Variants in EFR3B observed in about 807,000 individuals in gnomAD.
EFR3B encodes protein EFR3 homolog B.
Under a neutral mutation model 104.7 loss-of-function variants are expected in EFR3B, and 64 were observed. That is an observed-to-expected ratio of 0.61 (90% CI 0.50 to 0.75). The LOEUF is 0.75. EFR3B is among the 30% of genes least tolerant of loss of function. The pLI is 0.00. For synonymous variants in EFR3B, 385 were observed against 417.9 expected (o/e 0.92, Z 0.96); for missense variants, 750 against 1,078.5 (o/e 0.70, Z 4.27).
chr2:25,139,655 G>A (rs1670610028), intron 16 of EFR3B, among the ~76,000 whole-genome samples: 1 of 152,128 alleles, frequency 6.6e-6, no homozygotes, highest in Non-Finnish European at 1.5e-5. Flanking sequence ...ATGAACATCT[G>A]TTCACGCCCA....
At chr2:25,125,652 T>TA (rs1181056201) in intron 5 of EFR3B, among the ~76,000 whole-genome samples, 1 of 152,140 alleles carries the variant, frequency 6.6e-6, no homozygotes, top group Non-Finnish European at 1.5e-5. Flanking sequence ...CAACCCCAGT[T>TA]AAAACCAAAG....
chr2:25,103,793 G>A lies in EFR3B; in HGVS notation c.363+6G>A. The A allele has an allele frequency of 6.4e-7, 1 of 1,551,266 alleles. No homozygotes were observed. The highest frequency in any genetic ancestry group is 1.2e-5 in the South Asian group (1 of 84,030). On this transcript the variant is annotated splice_donor_region_variant and intron_variant, in intron 4 of 22. Transcript: ENST00000403714. ...AGATCCTCGGCACCAACTCGGTAAG[G>A]AGCGGCCCAGGGGGCTCCAGGTCTC... is the stretch of plus-strand genomic sequence containing the variant.
intron 1 of EFR3B, among the ~76,000 whole-genome samples, chr2:25,066,185 T>C (rs1262722234): frequency 6.6e-6 from 1 of 152,192 alleles, no homozygotes; most frequent in African/African-American, 2.4e-5. Context: ...TGGACACTTA[T>C]AGTTCAGGGC....
At chr2:25,125,884 G>C (rs576047566) in intron 5 of EFR3B, among the ~76,000 whole-genome samples, 21 of 152,280 alleles carry the variant, frequency 1.4e-4, no homozygotes, top group African/African-American at 4.3e-4. Context: ...GGAGGCGGAG[G>C]TTGCTGTGAG....
At chr2:25,146,115 T>C (rs2149212419) in intron 19 of EFR3B, 1 of 148,272 alleles carries the variant, frequency 6.7e-6, no homozygotes, top group East Asian at 2.0e-4. Context: ...TGCTGACTGT[T>C]ACAGTTCACA....
intron 6 of EFR3B, among the ~76,000 whole-genome samples, chr2:25,129,258 T>C (rs1367011186): frequency 6.7e-6 from 1 of 149,570 alleles, no homozygotes; most frequent in East Asian, 2.0e-4. Context: ...ACCTGGGCTA[T>C]CTGTGCACTA....
chr2:25,108,979 C>A (rs564297361), intron 4 of EFR3B, among the ~76,000 whole-genome samples: 2 of 151,888 alleles, frequency 1.3e-5, no homozygotes, highest in Non-Finnish European at 2.9e-5. Context: ...GCACTCCAGC[C>A]TGGATGACAA....
rs146677893 is a variant in EFR3B, at chr2:25,064,308, C to T, written c.7+21989C>T. Among the ~76,000 whole-genome samples the T allele has an allele frequency of 4.6e-5, 7 of 152,318 alleles. No homozygotes were observed. The East Asian group carries it at 1.3e-3, about 29-fold the overall frequency. On this transcript the variant is annotated intron_variant, in intron 1 of 22. Coordinates refer to ENST00000403714, the MANE Select transcript of EFR3B (RefSeq NM_014971.2). ...GCTTTTCAGAATCTGCATCTTAAAT[C>T]TGTGAGTTCGTCTGTATATTTAAAG...
Position 25,042,448 on chromosome 2 carries a change from T to C in EFR3B, c.7+129T>C. 1 of 1,211,334 alleles carries C rather than the reference T, an allele frequency of 8.3e-7. No individual in the cohort carries two copies. Among genetic ancestry groups the C allele is most frequent in the Non-Finnish European group, 1.0e-6 (1 of 974,952 alleles). 75.0% of individuals were successfully genotyped at this position (1,211,334 alleles called of 1,614,324 possible). ...CCGCTGACCTGGTGCCCGGCGGGGC[T>C]GTTGCGGTCGCTCTGTGCGCGCGCG... On this transcript the variant is annotated intron_variant, in intron 1 of 22. Coordinates refer to ENST00000403714, the MANE Select transcript of EFR3B (RefSeq NM_014971.2). The surrounding 1 kb of genome is among the most constrained non-coding windows in gnomAD (Gnocchi z 5.4).
At chr2:25,080,283 CTTTT>C (rs563438610) in intron 1 of EFR3B, 1,100 of 153,224 alleles carry the variant, frequency 7.2e-3, no homozygotes, top group Middle Eastern at 0.012. Context: ...CTCCCCAAAG[CTTTT>C]TTTTTTTTTT....
chr2:25,124,725 C>T (rs1323047336), intron 5 of EFR3B, among the ~76,000 whole-genome samples: 38 of 100,498 alleles, frequency 3.8e-4, no homozygotes, highest in East Asian at 9.6e-4. Flanking sequence ...GGCAACACAG[C>T]GAGACTCTGT....
Position 25,143,725 on chromosome 2 carries a change from C to T in EFR3B, c.1923-10C>T, listed in dbSNP as rs774691672. ...GTTCTAACGAACTTTCTCCCTCCTTCATCTTCCAGGCTGTCTCAGAATCTT... is the reference window on the plus strand; with the variant it reads ...GTTCTAACGAACTTTCTCCCTCCTTTATCTTCCAGGCTGTCTCAGAATCTT... On this transcript the variant is annotated splice_polypyrimidine_tract_variant and intron_variant, in intron 17 of 22. Coordinates refer to ENST00000403714, the MANE Select transcript of EFR3B (RefSeq NM_014971.2). 6.4e-7 allele frequency: 1 copy of T among 1,551,220 alleles called. No homozygotes were observed. Among genetic ancestry groups the T allele is most frequent in the Non-Finnish European group, 8.7e-7 (1 of 1,146,858 alleles).
At chr2:25,044,678 C>G (rs1299880255) in intron 1 of EFR3B, among the ~76,000 whole-genome samples, 3 of 152,230 alleles carry the variant, frequency 2.0e-5, no homozygotes, top group Non-Finnish European at 4.4e-5. Context: ...GAGAGGCCCC[C>G]CTATGGAGCC....
intron 1 of EFR3B, among the ~76,000 whole-genome samples, chr2:25,083,537 T>C (rs1668868916): frequency 6.6e-6 from 1 of 152,180 alleles, no homozygotes; most frequent in South Asian, 2.1e-4. Flanking sequence ...GAATTCACCA[T>C]TGTTGGGCTG....
chr2:25,060,472 G>A (rs1668156411), intron 1 of EFR3B, among the ~76,000 whole-genome samples: 2 of 151,924 alleles, frequency 1.3e-5, no homozygotes. Flanking sequence ...TTTTTTTCAG[G>A]AAAGAAAGTT....
intron 20 of EFR3B, among the ~76,000 whole-genome samples, chr2:25,151,198 C>A (rs930783042): frequency 6.6e-6 from 1 of 152,100 alleles, no homozygotes; most frequent in Non-Finnish European, 1.5e-5. Context: ...CCCTGCCACA[C>A]GTGTTTCATG....
intron 16 of EFR3B, among the ~76,000 whole-genome samples, chr2:25,140,137 C>A (rs13384397): frequency 0.033 from 4,954 of 151,778 alleles, 351 homozygotes; most frequent in East Asian, 0.31. Flanking sequence ...ACATGGTGAA[C>A]CCCCGTCTCT....
intron 20 of EFR3B, among the ~76,000 whole-genome samples, chr2:25,150,626 T>C (rs987441069): frequency 2.8e-5 from 4 of 142,252 alleles, no homozygotes; most frequent in Admixed American, 2.1e-4. Flanking sequence ...TTTTTTTTTT[T>C]CTGAGACAGA....
intron 1 of EFR3B, among the ~76,000 whole-genome samples, chr2:25,061,498 C>CT (rs992372153): frequency 6.0e-4 from 87 of 146,094 alleles, no homozygotes; most frequent in African/African-American, 1.4e-3. Flanking sequence ...GCTTTATTTA[C>CT]TTTTTTTTTT....
Sources: allele counts gnomAD v4.1 joint callset (sites outside exome capture counted in the v4.1 genomes callset), GRCh38; gene constraint gnomAD v4.1.1; non-coding constraint Gnocchi (gnomAD v3.1); transcripts MANE v1.5; gene names NCBI Gene and HGNC (gene_info 2026-07-23, HGNC 2026-07-21).